Variants in PPP1R9A observed in about 807,000 individuals in gnomAD.
The protein encoded by PPP1R9A is protein phosphatase 1 regulatory subunit 9A.
PPP1R9A carries 59 observed loss-of-function variants against 141.9 expected under a neutral mutation model. The observed-to-expected ratio is 0.42, with a 90% confidence interval of 0.34 to 0.52. The LOEUF (loss-of-function observed/expected upper bound fraction) is 0.52. PPP1R9A is among the 20% of genes least tolerant of loss of function. The pLI is 0.10. For synonymous variants in PPP1R9A, 500 were observed against 569.7 expected, an observed-to-expected ratio of 0.88 and a Z score of 1.74; for missense variants, 1,444 against 1,611.9, an observed-to-expected ratio of 0.90 and a Z score of 1.78.
At chr7:95,001,457 C>A (rs1489280528) in intron 2 of PPP1R9A, among the ~76,000 whole-genome samples, 3 of 152,054 alleles carry the variant, frequency 2.0e-5, no homozygotes, top group Non-Finnish European at 4.4e-5. Flanking sequence ...GGTATTAAAT[C>A]TTTATGGTAA....
chr7:95,159,292 A>G (rs1830085864), intron 4 of PPP1R9A, among the ~76,000 whole-genome samples: 1 of 152,242 alleles, frequency 6.6e-6, no homozygotes, highest in Admixed American at 6.5e-5. Context: ...AAGTTGCAAA[A>G]AGAGAGGTAT....
chr7:95,168,034 A>G (rs1308926869), intron 5 of PPP1R9A, among the ~76,000 whole-genome samples: 1 of 152,194 alleles, frequency 6.6e-6, no homozygotes, highest in East Asian at 1.9e-4. Flanking sequence ...TCACAGAAAT[A>G]GAAAAAAGAT....
chr7:95,009,398 G>C (rs1399655414), intron 2 of PPP1R9A, among the ~76,000 whole-genome samples: 1 of 152,218 alleles, frequency 6.6e-6, no homozygotes, highest in African/African-American at 2.4e-5. Context: ...TAGCATCCAG[G>C]TGTGCTGGGA....
chr7:95,054,672 T>G (rs1811274437), intron 2 of PPP1R9A, among the ~76,000 whole-genome samples: 1 of 152,142 alleles, frequency 6.6e-6, no homozygotes, highest in Admixed American at 6.5e-5. Flanking sequence ...CTGCTTGTTT[T>G]TTCCATCTTC....
chr7:94,942,605 C>T (rs1795451931), intron 2 of PPP1R9A, among the ~76,000 whole-genome samples: 2 of 151,918 alleles, frequency 1.3e-5, no homozygotes, highest in African/African-American at 4.8e-5. Flanking sequence ...GAGTTCGAGG[C>T]AAGCCTGGCC....
chr7:94,911,268 A>G lies in PPP1R9A; in HGVS notation c.1155A>G (p.Glu385=). Residue 385 remains glutamate, a synonymous_variant, in exon 2 of 20, where the codon GAA becomes GAG. Transcript: ENST00000433360. ...SASSCGKEVP[E]DSNNFDGSHV... is the part of the protein sequence containing the mutation. ...CCAGTTGTGGAAAAGAAGTACCTGA[A>G]GATTCAAATAATTTTGATGGTTCCC... 1 of 1,614,174 alleles carries G rather than the reference A, an allele frequency of 6.2e-7. No homozygotes were observed.
chr7:95,286,842 G>T (rs1328149783), intron 18 of PPP1R9A, among the ~76,000 whole-genome samples: 1 of 152,152 alleles, frequency 6.6e-6, no homozygotes, highest in African/African-American at 2.4e-5. Flanking sequence ...GTCAGGAAAT[G>T]AGGTTAGTGA....
chr7:95,286,989 C>A, intron 18 of PPP1R9A: 1 of 993,438 alleles, frequency 1.0e-6, no homozygotes, highest in Non-Finnish European at 1.4e-6. Flanking sequence ...GTAAGCTTTT[C>A]TGCCCGTATT....
intron 8 of PPP1R9A, among the ~76,000 whole-genome samples, chr7:95,242,664 G>A (rs1287391448): frequency 2.6e-5 from 4 of 152,158 alleles, no homozygotes; most frequent in East Asian, 1.9e-4. Context: ...TCATAGGAAT[G>A]TGTATGTTTA....
At chr7:94,975,077 A>G (rs1799276776) in intron 2 of PPP1R9A, among the ~76,000 whole-genome samples, 1 of 152,138 alleles carries the variant, frequency 6.6e-6, no homozygotes, top group Non-Finnish European at 1.5e-5. Flanking sequence ...TATTGAAAAA[A>G]TGAACTCTTC....
intron 2 of PPP1R9A, among the ~76,000 whole-genome samples, chr7:94,956,410 ATAT>A (rs1797075843): frequency 6.6e-6 from 1 of 152,090 alleles, no homozygotes; most frequent in Admixed American, 6.6e-5. Context: ...GTTGAATTTC[ATAT>A]TATTCTATTT....
chr7:95,172,040 T>C (rs1832192041), intron 5 of PPP1R9A, among the ~76,000 whole-genome samples: 1 of 151,654 alleles, frequency 6.6e-6, no homozygotes, highest in Non-Finnish European at 1.5e-5. Context: ...TTTGTTCTTC[T>C]CAATAGATGT....
chr7:95,202,506 C>G (rs1010136335), intron 6 of PPP1R9A: 2 of 502,504 alleles, frequency 4.0e-6, no homozygotes, highest in East Asian at 1.5e-4. Flanking sequence ...TCTGTTTAAT[C>G]GAAGTATTGA....
intron 4 of PPP1R9A, among the ~76,000 whole-genome samples, chr7:95,161,247 G>A (rs1241002524): frequency 2.6e-5 from 4 of 151,824 alleles, no homozygotes; most frequent in Non-Finnish European, 5.9e-5. Flanking sequence ...AACTCACTGC[G>A]GTTTTGATTT....
chr7:95,026,315 C>T (rs1347778761), intron 2 of PPP1R9A, among the ~76,000 whole-genome samples: 1 of 152,102 alleles, frequency 6.6e-6, no homozygotes, highest in Non-Finnish European at 1.5e-5. Context: ...TGTTAGTTTT[C>T]CTTCTAACAG....
chr7:95,090,784 G>A (rs1185655041), intron 2 of PPP1R9A, among the ~76,000 whole-genome samples: 1 of 151,716 alleles, frequency 6.6e-6, no homozygotes, highest in Non-Finnish European at 1.5e-5. Context: ...CTCCAGCCTC[G>A]GCAACAGAGT....
intron 4 of PPP1R9A, among the ~76,000 whole-genome samples, chr7:95,153,081 C>T (rs749936932): frequency 6.6e-6 from 1 of 152,032 alleles, no homozygotes; most frequent in Non-Finnish European, 1.5e-5. Context: ...AACTCCTGAC[C>T]TCAAATGATT....
At chr7:95,229,493 C>T (rs772421348) in intron 8 of PPP1R9A, among the ~76,000 whole-genome samples, 14 of 151,878 alleles carry the variant, frequency 9.2e-5, no homozygotes, top group Non-Finnish European at 1.9e-4. Flanking sequence ...CTATGACTTC[C>T]GGCTTTCCCC....
chr7:95,075,566 C>T (rs1285143379), intron 2 of PPP1R9A, among the ~76,000 whole-genome samples: 1 of 152,094 alleles, frequency 6.6e-6, no homozygotes, highest in Admixed American at 6.6e-5. Flanking sequence ...CATGGTGGCT[C>T]ATGCCTGTAA....
Sources: gnomAD v4.1 joint callset for allele counts (sites outside exome capture counted in the v4.1 genomes callset) on GRCh38, gnomAD v4.1.1 for gene constraint, MANE v1.5 for transcripts, NCBI Gene and HGNC (gene_info 2026-07-23, HGNC 2026-07-21) for gene names.